Variants in PDSS2 observed in about 807,000 individuals in gnomAD.
The protein encoded by PDSS2 is decaprenyl diphosphate synthase subunit 2, also known as all trans-polyprenyl-diphosphate synthase PDSS2.
A neutral mutation model predicts 44.5 loss-of-function variants in PDSS2; 31 were observed. The ratio of observed to expected loss-of-function variants is 0.70; its 90% confidence interval spans 0.52 to 0.94. The LOEUF (loss-of-function observed/expected upper bound fraction) is 0.94, where lower values mean the gene tolerates loss of function less well. Ranked by LOEUF, PDSS2 falls within the 40% of genes least tolerant of loss-of-function variation. The pLI is 0.00. For missense variants in PDSS2, 452 were observed against 482.2 expected, an observed-to-expected ratio of 0.94 and a Z score of 0.59; for synonymous variants, 157 against 180.3, an observed-to-expected ratio of 0.87 and a Z score of 1.03.
intron 1 of PDSS2, among the ~76,000 whole-genome samples, chr6:107,426,425 T>C (rs1261304324): frequency 6.6e-6 from 1 of 152,244 alleles, no homozygotes; most frequent in African/African-American, 2.4e-5. Flanking sequence ...GGAGCCCTCA[T>C]GGAGAACCTC....
intron 7 of PDSS2, among the ~76,000 whole-genome samples, chr6:107,177,815 A>G (rs550884509): frequency 1.8e-4 from 28 of 152,304 alleles, no homozygotes; most frequent in Admixed American, 5.2e-4. Context: ...TTTAGGAGTG[A>G]ATCAATAAAT....
chr6:107,457,925 T>G (rs1782097792), intron 1 of PDSS2, among the ~76,000 whole-genome samples: 1 of 152,108 alleles, frequency 6.6e-6, no homozygotes, highest in Non-Finnish European at 1.5e-5. Flanking sequence ...TACTGAAGTA[T>G]TTAGGGGAAA....
At chr6:107,405,570 G>T (rs1019552666) in intron 1 of PDSS2, among the ~76,000 whole-genome samples, 1 of 152,068 alleles carries the variant, frequency 6.6e-6, no homozygotes, top group African/African-American at 2.4e-5. Context: ...TACAGAGGCC[G>T]GGCGCGGTGG....
chr6:107,308,249 G>T lies in PDSS2; in HGVS notation c.431+25949C>A, dbSNP rs973985936. The stretch of plus-strand genomic sequence containing the variant: ...CAAACTTTAAAAAACTAAATATTTT[G>T]ATTATTTGTAACTTAAAAGAGAACA... On this transcript the variant is annotated intron_variant, in intron 2 of 7. Transcript: ENST00000369037. 3.2e-4 allele frequency among the ~76,000 whole-genome samples: 49 copies of T among 152,024 alleles called. 1 individual carries two copies. The highest frequency in any genetic ancestry group is 1.6e-4 in the Non-Finnish European group (11 of 68,008).
chr6:107,170,634 G>T (rs11964253), intron 7 of PDSS2, among the ~76,000 whole-genome samples: 2,050 of 126,532 alleles, frequency 0.016, 61 homozygotes, highest in African/African-American at 0.062. Flanking sequence ...TTTTTTTTCT[G>T]AGACAGCCTC....
intron 2 of PDSS2, among the ~76,000 whole-genome samples, chr6:107,285,999 G>T (rs1776128208): frequency 2.0e-5 from 3 of 152,054 alleles, no homozygotes; most frequent in Non-Finnish European, 1.5e-5. Context: ...AATTAGCTGG[G>T]CTTGGTGGCG....
intron 1 of PDSS2, among the ~76,000 whole-genome samples, chr6:107,397,002 CCT>C (rs901947550): frequency 1.3e-5 from 2 of 152,056 alleles, no homozygotes; most frequent in Admixed American, 1.3e-4. Flanking sequence ...TTTGCCCTCT[CCT>C]CTGTTACGCA....
intron 1 of PDSS2, among the ~76,000 whole-genome samples, chr6:107,389,795 AAATACCACTAT>A (rs1209320377): frequency 6.6e-6 from 1 of 152,102 alleles, no homozygotes; most frequent in Non-Finnish European, 1.5e-5. Context: ...ATTGGTTTCT[AAATACCACTAT>A]TCAATTAAAA....
intron 2 of PDSS2, among the ~76,000 whole-genome samples, chr6:107,307,333 C>T (rs949972442): frequency 1.3e-5 from 2 of 152,120 alleles, no homozygotes; most frequent in African/African-American, 2.4e-5. Flanking sequence ...GAAAATGTCC[C>T]CTGTTCATCT....
intron 1 of PDSS2, among the ~76,000 whole-genome samples, chr6:107,386,546 T>C (rs548067998): frequency 6.6e-6 from 1 of 152,214 alleles, no homozygotes; most frequent in African/African-American, 2.4e-5. Flanking sequence ...TGACCATTCA[T>C]GTCATAAAAC....
chr6:107,373,917 G>T (rs2114404558), intron 1 of PDSS2, among the ~76,000 whole-genome samples: 1 of 152,270 alleles, frequency 6.6e-6, no homozygotes, highest in Non-Finnish European at 1.5e-5. Context: ...TTATGCAAAT[G>T]AGTAAGATTT....
chr6:107,368,032 A>T (rs1228336903), intron 1 of PDSS2, among the ~76,000 whole-genome samples: 3 of 152,096 alleles, frequency 2.0e-5, no homozygotes, highest in Non-Finnish European at 4.4e-5. Flanking sequence ...GCACTTTGGG[A>T]GGTCAAGGAG....
intron 1 of PDSS2, among the ~76,000 whole-genome samples, chr6:107,388,690 C>T (rs1216854876): frequency 1.3e-5 from 2 of 152,102 alleles, no homozygotes; most frequent in Non-Finnish European, 1.5e-5. Flanking sequence ...CATCTTCTGA[C>T]GTCGTGATCC....
At chr6:107,305,669 C>A (rs942192185) in intron 2 of PDSS2, among the ~76,000 whole-genome samples, 7 of 152,188 alleles carry the variant, frequency 4.6e-5, no homozygotes, top group Non-Finnish European at 7.3e-5. Flanking sequence ...ATGGTCTATT[C>A]CTAATTACAC....
At chr6:107,233,382 G>C (rs1774116720) in intron 4 of PDSS2, among the ~76,000 whole-genome samples, 1 of 152,120 alleles carries the variant, frequency 6.6e-6, no homozygotes, top group African/African-American at 2.4e-5. Flanking sequence ...TGTTTTGAAT[G>C]TTCCAGGAGT....
intron 4 of PDSS2, among the ~76,000 whole-genome samples, chr6:107,224,827 A>G (rs994032715): frequency 6.6e-6 from 1 of 151,046 alleles, no homozygotes; most frequent in African/African-American, 2.5e-5. Flanking sequence ...ACAAACTAGC[A>G]TCTTAAAACA....
At chr6:107,204,674 C>T (rs548755168) in intron 6 of PDSS2, among the ~76,000 whole-genome samples, 28 of 152,230 alleles carry the variant, frequency 1.8e-4, no homozygotes, top group East Asian at 5.8e-4. Context: ...TTATTAATAC[C>T]GACTTCATAA....
chr6:107,449,736 GTTAAT>G (rs969354065), intron 1 of PDSS2, among the ~76,000 whole-genome samples: 1 of 152,072 alleles, frequency 6.6e-6, no homozygotes, highest in South Asian at 2.1e-4. Flanking sequence ...ACCATGTCTA[GTTAAT>G]TTATTTTTTT....
chr6:107,196,021 C>T (rs1772551668), intron 6 of PDSS2, among the ~76,000 whole-genome samples: 1 of 152,142 alleles, frequency 6.6e-6, no homozygotes. Context: ...CTTCAGTCTG[C>T]TTTTTGAAGT....
Sources: gnomAD v4.1 joint callset for allele counts (sites outside exome capture counted in the v4.1 genomes callset) on GRCh38, gnomAD v4.1.1 for gene constraint, MANE v1.5 for transcripts, NCBI Gene and HGNC (gene_info 2026-07-23, HGNC 2026-07-21) for gene names.